GALNT13: variants seen among roughly 807,000 people sequenced by gnomAD.
The protein encoded by GALNT13 is polypeptide N-acetylgalactosaminyltransferase 13, also known as UDP-GalNAc:polypeptide N-acetylgalactosaminyltransferase 13.
A neutral mutation model predicts 64.2 loss-of-function variants in GALNT13; 28 were observed. The ratio of observed to expected loss-of-function variants is 0.44; its 90% CI spans 0.32 to 0.60. The LOEUF (loss-of-function observed/expected upper bound fraction) is 0.60, where lower values mean the gene tolerates loss of function less well. Among genes scored for constraint, GALNT13 ranks in the 20% least tolerant of loss-of-function variants. The pLI is 0.05. For missense variants in GALNT13, 577 were observed against 669.8 expected, an observed-to-expected ratio of 0.86 and a Z score of 1.53; for synonymous variants, 214 against 224.6, an observed-to-expected ratio of 0.95 and a Z score of 0.42.
the GALNT13 span, among the ~76,000 whole-genome samples, chr2:153,403,418 G>A: frequency 2.0e-5 from 3 of 152,144 alleles, no homozygotes; most frequent in East Asian, 1.9e-4. Context: ...GGAGCCTACA[G>A]AGGCAGGCAG....
chr2:153,184,152 A>G, the GALNT13 span, among the ~76,000 whole-genome samples: 1 of 152,054 alleles, frequency 6.6e-6, no homozygotes, highest in Non-Finnish European at 1.5e-5. Context: ...TTCTTTGAGC[A>G]ATGTTGTGTA....
At chr2:153,981,650 C>T (rs932081690) in intron 3 of GALNT13, among the ~76,000 whole-genome samples, 5 of 152,034 alleles carry the variant, frequency 3.3e-5, no homozygotes, top group African/African-American at 9.7e-5. Flanking sequence ...CAAGTCTTTG[C>T]TATTGTGAAT....
the GALNT13 span, among the ~76,000 whole-genome samples, chr2:153,762,944 C>T: frequency 6.6e-6 from 1 of 151,702 alleles, no homozygotes; most frequent in East Asian, 1.9e-4. Context: ...TTGCATAAAA[C>T]ATACTTATAA....
the GALNT13 span, among the ~76,000 whole-genome samples, chr2:153,725,269 A>G: frequency 6.0e-5 from 9 of 150,540 alleles, no homozygotes; most frequent in Non-Finnish European, 1.2e-4. Flanking sequence ...GATCACATGG[A>G]CACAGGAAGG....
the GALNT13 span, among the ~76,000 whole-genome samples, chr2:153,211,955 C>G: frequency 6.6e-6 from 1 of 152,112 alleles, no homozygotes; most frequent in East Asian, 1.9e-4. Context: ...CATGATTCCC[C>G]TTTTTTAAAA....
the GALNT13 span, among the ~76,000 whole-genome samples, chr2:153,675,382 T>A: frequency 6.6e-6 from 1 of 151,988 alleles, no homozygotes; most frequent in South Asian, 2.1e-4. Flanking sequence ...AAGATGAGTT[T>A]ATGTCTTTGC....
chr2:153,583,647 C>T, the GALNT13 span, among the ~76,000 whole-genome samples: 3 of 152,124 alleles, frequency 2.0e-5, no homozygotes, highest in African/African-American at 7.2e-5. Context: ...CTCAGTCTAA[C>T]TTAGGGAGTG....
the GALNT13 span, among the ~76,000 whole-genome samples, chr2:153,235,333 C>T: frequency 6.6e-6 from 1 of 152,056 alleles, no homozygotes; most frequent in Non-Finnish European, 1.5e-5. Context: ...TATTACAAAG[C>T]AAAAGTACAC....
the GALNT13 span, among the ~76,000 whole-genome samples, chr2:153,375,178 T>C: frequency 6.6e-6 from 1 of 152,192 alleles, no homozygotes; most frequent in Non-Finnish European, 1.5e-5. Flanking sequence ...ACTTTACATT[T>C]AAATCTATGA....
intron 3 of GALNT13, among the ~76,000 whole-genome samples, chr2:154,044,052 A>G (rs1699154907): frequency 6.6e-6 from 1 of 151,960 alleles, no homozygotes. Context: ...AGCCTGGGTG[A>G]CAGAGTTAGA....
At chr2:153,903,900 T>C (rs919641188) in intron 2 of GALNT13, among the ~76,000 whole-genome samples, 1 of 152,000 alleles carries the variant, frequency 6.6e-6, no homozygotes, top group African/African-American at 2.4e-5. Context: ...TCCTACTTTT[T>C]CTGCCTGCCA....
chr2:153,371,097 A>G, the GALNT13 span: 831 of 183,864 alleles, frequency 4.5e-3, 8 homozygotes, highest in African/African-American at 0.019. Context: ...TTCTAAATAT[A>G]CGGTTTTCAC....
the GALNT13 span, among the ~76,000 whole-genome samples, chr2:153,361,748 T>C: frequency 1.3e-5 from 2 of 152,228 alleles, no homozygotes; most frequent in South Asian, 4.1e-4. Context: ...CTATGATTGA[T>C]TGGAGTACCT....
At chr2:153,277,345 G>A in the GALNT13 span, among the ~76,000 whole-genome samples, 1 of 152,156 alleles carries the variant, frequency 6.6e-6, no homozygotes, top group Admixed American at 6.5e-5. Context: ...TTAGGATATC[G>A]GCCTCCAGTT....
chr2:153,420,806 G>T, the GALNT13 span: 1 of 231,552 alleles, frequency 4.3e-6, no homozygotes, highest in South Asian at 7.2e-5. Context: ...AGTGAACAAA[G>T]GAACAGTTGG....
intron 3 of GALNT13, among the ~76,000 whole-genome samples, chr2:154,117,390 C>A (rs1319244555): frequency 6.6e-6 from 1 of 152,092 alleles, no homozygotes; most frequent in African/African-American, 2.4e-5. Flanking sequence ...TACGCTGAAC[C>A]CAATTTGTAG....
intron 9 of GALNT13, among the ~76,000 whole-genome samples, chr2:154,384,087 A>C (rs1698399795): frequency 1.3e-5 from 2 of 151,944 alleles, no homozygotes; most frequent in African/African-American, 4.8e-5. Context: ...TTTCATTAAA[A>C]ATTTGTGATT....
intron 9 of GALNT13, among the ~76,000 whole-genome samples, chr2:154,305,348 A>G (rs1693672160): frequency 2.0e-5 from 3 of 152,032 alleles, no homozygotes; most frequent in Admixed American, 1.3e-4. Flanking sequence ...TCACATCCAC[A>G]GTTAGAACTA....
At chr2:154,017,549 A>G (rs992389068) in intron 3 of GALNT13, among the ~76,000 whole-genome samples, 16 of 152,180 alleles carry the variant, frequency 1.1e-4, no homozygotes, top group Admixed American at 6.5e-4. Flanking sequence ...CATAAGTGCA[A>G]CATTGAGAAA....
Sources: gnomAD v4.1 joint callset for allele counts (sites outside exome capture counted in the v4.1 genomes callset) on GRCh38, gnomAD v4.1.1 for gene constraint, MANE v1.5 for transcripts, NCBI Gene and HGNC (gene_info 2026-07-23, HGNC 2026-07-21) for gene names.